The following RAB3GAP2 variants were observed in gnomAD, a reference collection of about 807,000 sequenced individuals.
RAB3GAP2 encodes the protein rab3 GTPase-activating protein non-catalytic subunit.
Under a neutral mutation model 185.3 loss-of-function variants are expected in RAB3GAP2, and 87 were observed. The observed-to-expected ratio is 0.47, with a 90% CI of 0.39 to 0.56. RAB3GAP2 has a LOEUF of 0.56. RAB3GAP2 is among the 20% of genes least tolerant of loss of function. The pLI is 0.00. For synonymous variants in RAB3GAP2, 554 were observed against 576.1 expected (o/e 0.96, Z 0.55); for missense variants, 1,492 against 1,638.2 (o/e 0.91, Z 1.54).
chr1:220,233,758 T>C (rs1490264551), intron 1 of RAB3GAP2, among the ~76,000 whole-genome samples: 2 of 152,118 alleles, frequency 1.3e-5, no homozygotes, highest in Non-Finnish European at 2.9e-5. Flanking sequence ...TAGAGTACAA[T>C]AGCGCAATCT....
At chr1:220,238,283 G>C (rs1659632146) in intron 1 of RAB3GAP2, among the ~76,000 whole-genome samples, 1 of 152,092 alleles carries the variant, frequency 6.6e-6, no homozygotes, top group African/African-American at 2.4e-5. Flanking sequence ...TACATGTAGA[G>C]CACATCTCAG....
At chr1:220,172,131 TAA>T (rs1658190544) in intron 22 of RAB3GAP2, 82 bp from the exon 23 acceptor site, 2 of 1,365,698 alleles carry the variant, frequency 1.5e-6, no homozygotes, top group Admixed American at 1.9e-5. Context: ...AACATAATGT[TAA>T]AACTAAGTTA....
intron 1 of RAB3GAP2, among the ~76,000 whole-genome samples, chr1:220,240,595 C>T (rs1235981408): frequency 6.6e-6 from 1 of 152,062 alleles, no homozygotes; most frequent in African/African-American, 2.4e-5. Flanking sequence ...CTGGTTTATA[C>T]CACATCTTGA....
At position 220,150,720 on chromosome 1, in the gene RAB3GAP2, AAC is replaced by A. The variant is rs745802132; in HGVS notation, c.*529_*530del. 2.6e-5 allele frequency: 4 copies of A among 156,406 alleles called. No homozygotes were observed. The highest frequency in any genetic ancestry group is 4.2e-5 in the Non-Finnish European group (3 of 70,962). The allele number at this position is 156,406 out of a possible 1,614,324, so 9.7% of individuals were successfully genotyped here. A position where few individuals can be genotyped will look rare whatever the true frequency, so the allele number is the denominator to read the frequency against. The stretch of plus-strand genomic sequence containing the variant: ...CATCCTCCTCTGATGGCAACAGCAG[AAC>A]CTCTGGGAAAGGAACCTTTCGGTAT... On this transcript the variant is annotated 3_prime_UTR_variant, in exon 35 of 35. Transcript: ENST00000358951.
chr1:220,267,575 C>T, intron 1 of RAB3GAP2: 2 of 1,364,238 alleles, frequency 1.5e-6, no homozygotes, highest in South Asian at 1.2e-5. Context: ...GTTTTGATGC[C>T]AGTTCCTCCT....
rs556104853 is a variant in RAB3GAP2 at position 220,172,802 on chromosome 1, A to G, written c.2311-60T>C. The G allele has an allele frequency of 2.1e-5, 24 of 1,149,852 alleles. No individual in the cohort carries two copies. In the African/African-American group the frequency reaches 3.7e-4, roughly 18 times the overall value. 71.2% of individuals were successfully genotyped at this position (1,149,852 alleles called of 1,614,324 possible). A position where few individuals can be genotyped will look rare whatever the true frequency, so the allele number is the denominator to read the frequency against. On this transcript the variant is annotated intron_variant, in intron 21 of 34. Transcript: ENST00000358951. Reference sequence around the variant, plus strand: ...AAAAATTTAGCATAGACAAAATCTTACACTTTCCTAGACAGCAGATGCATG... The same window carrying G: ...AAAAATTTAGCATAGACAAAATCTTGCACTTTCCTAGACAGCAGATGCATG...
intron 2 of RAB3GAP2, among the ~76,000 whole-genome samples, chr1:220,229,359 G>A (rs764582610): frequency 6.6e-6 from 1 of 152,138 alleles, no homozygotes; most frequent in Non-Finnish European, 1.5e-5. Context: ...CAGATAATGT[G>A]GTTTCTGATC....
chr1:220,250,196 G>C (rs566022955), intron 1 of RAB3GAP2, among the ~76,000 whole-genome samples: 25 of 152,298 alleles, frequency 1.6e-4, no homozygotes, highest in South Asian at 6.2e-4. Context: ...AAAGCCACAG[G>C]GGGGGAGCTG....
At chr1:220,264,887 C>T (rs534997491) in intron 1 of RAB3GAP2, among the ~76,000 whole-genome samples, 58 of 152,206 alleles carry the variant, frequency 3.8e-4, no homozygotes, top group Non-Finnish European at 7.1e-4. Flanking sequence ...GTTTCACATA[C>T]GTGTCTTCTT....
intron 7 of RAB3GAP2, 141 bp from the exon 8 acceptor site, chr1:220,206,147 T>C: frequency 1.7e-6 from 1 of 597,212 alleles, no homozygotes; most frequent in Non-Finnish European, 2.9e-6. Flanking sequence ...TAAAAATAGA[T>C]AAAAAATTAA....
chr1:220,189,657 G>A, intron 17 of RAB3GAP2, 46 bp downstream of exon 17: 1 of 1,512,022 alleles, frequency 6.6e-7, no homozygotes, highest in South Asian at 1.3e-5. Context: ...TAAGAAGGAT[G>A]TATTATAGCT....
intron 12 of RAB3GAP2, among the ~76,000 whole-genome samples, chr1:220,194,840 C>T (rs1658693155): frequency 6.6e-6 from 1 of 152,196 alleles, no homozygotes; most frequent in South Asian, 2.1e-4. Context: ...TTAAAAAGCA[C>T]ACTCAAGAAA....
chr1:220,259,552 G>A (rs1389612672), intron 1 of RAB3GAP2, among the ~76,000 whole-genome samples: 2 of 151,998 alleles, frequency 1.3e-5, no homozygotes, highest in South Asian at 2.1e-4. Flanking sequence ...GCAGATCATC[G>A]AAACTGGACC....
At chr1:220,179,244 C>CAAAAAAAA (rs71169437) in intron 21 of RAB3GAP2, among the ~76,000 whole-genome samples, 2 of 56,814 alleles carry the variant, frequency 3.5e-5, no homozygotes, top group Non-Finnish European at 6.6e-5. Flanking sequence ...GAGACTGTCT[C>CAAAAAAAA]AAAAAAAAAA....
chr1:220,219,852 G>A (rs1274899125), intron 2 of RAB3GAP2, among the ~76,000 whole-genome samples: 1 of 152,210 alleles, frequency 6.6e-6, no homozygotes, highest in African/African-American at 2.4e-5. Flanking sequence ...GCTCAGGCAA[G>A]AAATAGGGCT....
At chr1:220,159,493 TAAAAA>T in intron 28 of RAB3GAP2, 72 bp from the exon 29 acceptor site, 1 of 1,173,000 alleles carries the variant, frequency 8.5e-7, no homozygotes, top group South Asian at 1.4e-5. Flanking sequence ...GCACAAATAA[TAAAAA>T]GTAACCGAAT....
At position 220,191,213 on chromosome 1, in the gene RAB3GAP2, C is replaced by A. The variant is rs1658612755; in HGVS notation, c.1342G>T (p.Asp448Tyr). ...TGAGAATTTCCAAAGGGGGAAAAAT[C>A]TGCCTTTTCTGGCACTCTTTCATGG... ...DLHERVPEKA[D>Y]FSPFGNSQGP... The change falls in exon 14 of 35, where the codon GAT becomes TAT. Residue 448 changes from aspartate to tyrosine, a missense_variant. By Grantham distance (160) the Asp-to-Tyr change is radical. Transcript: ENST00000358951. 2.5e-6 allele frequency: 4 copies of A among 1,613,926 alleles called. No individual in the cohort carries two copies. Among genetic ancestry groups the A allele is most frequent in the Non-Finnish European group, 3.4e-6 (4 of 1,179,960 alleles).
intron 1 of RAB3GAP2, among the ~76,000 whole-genome samples, chr1:220,261,649 T>C (rs1660138157): frequency 6.6e-6 from 1 of 152,268 alleles, no homozygotes; most frequent in African/African-American, 2.4e-5. Context: ...CTTGGACTTC[T>C]ACAACTATCT....
intron 1 of RAB3GAP2, chr1:220,253,848 C>T (rs766386029): frequency 7.1e-5 from 115 of 1,612,380 alleles, no homozygotes; most frequent in Non-Finnish European, 8.7e-5. Flanking sequence ...GAGGGGCTGC[C>T]CCAGGAAAGA....
Sources: allele counts gnomAD v4.1 joint callset (sites outside exome capture counted in the v4.1 genomes callset), GRCh38; gene constraint gnomAD v4.1.1; transcripts MANE v1.5; gene names NCBI Gene and HGNC (gene_info 2026-07-23, HGNC 2026-07-21).